BAZ1A: variants seen among roughly 807,000 people sequenced by gnomAD.
BAZ1A encodes the protein bromodomain adjacent to zinc finger domain 1A.
BAZ1A carries 50 observed loss-of-function variants against 185.2 expected under a neutral mutation model. The ratio of observed to expected loss-of-function variants is 0.27; its 90% CI spans 0.22 to 0.34. The LOEUF (loss-of-function observed/expected upper bound fraction) is 0.34, where lower values mean the gene tolerates loss of function less well. BAZ1A is among the 10% of genes least tolerant of loss of function. The pLI is 1.00. For missense variants in BAZ1A, 1,356 were observed against 1,839.9 expected (o/e 0.74, Z 4.81); for synonymous variants, 571 against 615.6 (o/e 0.93, Z 1.07).
At chr14:34,821,643 T>C (rs1352202066) in intron 4 of BAZ1A, among the ~76,000 whole-genome samples, 1 of 152,212 alleles carries the variant, frequency 6.6e-6, no homozygotes, top group African/African-American at 2.4e-5. Flanking sequence ...TTTATGATAT[T>C]GATGTATAGT....
intron 3 of BAZ1A, among the ~76,000 whole-genome samples, chr14:34,856,819 C>A (rs1378361859): frequency 7.2e-6 from 1 of 138,542 alleles, no homozygotes; most frequent in Non-Finnish European, 1.5e-5. Flanking sequence ...GATTGCGTCA[C>A]TGCACTCTAG....
intron 4 of BAZ1A, among the ~76,000 whole-genome samples, chr14:34,820,124 T>G (rs1036640098): frequency 1.1e-4 from 3 of 26,128 alleles, no homozygotes; most frequent in East Asian, 3.7e-4. Flanking sequence ...GGTTCCTCGT[T>G]TTTTTTTTTT....
At chr14:34,803,080 C>G in intron 6 of BAZ1A, 92 bp from the exon 7 acceptor site, 1 of 1,326,946 alleles carries the variant, frequency 7.5e-7, no homozygotes, top group Non-Finnish European at 1.1e-6. Context: ...ACTATTAATG[C>G]TGTTAAAAGA....
intron 25 of BAZ1A, among the ~76,000 whole-genome samples, chr14:34,757,238 G>A (rs959365599): frequency 1.3e-5 from 2 of 149,354 alleles, no homozygotes; most frequent in East Asian, 2.0e-4. Context: ...GGTGGCAGGT[G>A]CCTGTAATTC....
chr14:34,855,296 TC>T (rs1329463200), intron 3 of BAZ1A, among the ~76,000 whole-genome samples: 9 of 152,260 alleles, frequency 5.9e-5, no homozygotes, highest in Admixed American at 3.3e-4. Flanking sequence ...AGCAAACTGT[TC>T]AAACCGTGTT....
chr14:34,819,022 T>C (rs1218857806), intron 4 of BAZ1A, among the ~76,000 whole-genome samples: 4 of 150,736 alleles, frequency 2.7e-5, no homozygotes. Context: ...GCGCCTGTAG[T>C]CCCAGCCACT....
intron 4 of BAZ1A, among the ~76,000 whole-genome samples, chr14:34,820,340 C>T (rs574019736): frequency 6.6e-6 from 1 of 152,116 alleles, no homozygotes; most frequent in South Asian, 2.1e-4. Context: ...CTATGTTGCC[C>T]AGGCTGGTCT....
At chr14:34,850,485 G>T (rs1345054982) in intron 3 of BAZ1A, among the ~76,000 whole-genome samples, 1 of 152,222 alleles carries the variant, frequency 6.6e-6, no homozygotes, top group Non-Finnish European at 1.5e-5. Context: ...ATAGGCTCTT[G>T]AATAGTTTTT....
At chr14:34,873,171 C>G (rs890783097) in intron 2 of BAZ1A, among the ~76,000 whole-genome samples, 5 of 152,060 alleles carry the variant, frequency 3.3e-5, no homozygotes, top group Non-Finnish European at 7.4e-5. Context: ...CTTTTCTAAC[C>G]TCACTATTCA....
intron 14 of BAZ1A, among the ~76,000 whole-genome samples, chr14:34,784,142 G>A (rs1880244964): frequency 6.6e-6 from 1 of 151,890 alleles, no homozygotes; most frequent in Admixed American, 6.6e-5. Flanking sequence ...GCCGAGGCGG[G>A]CAGATCACCT....
chr14:34,872,415 G>A (rs1295942397), intron 2 of BAZ1A, among the ~76,000 whole-genome samples: 2 of 151,940 alleles, frequency 1.3e-5, no homozygotes, highest in East Asian at 1.9e-4. Flanking sequence ...TGGGCAACAC[G>A]ACGAAACCCC....
intron 4 of BAZ1A, among the ~76,000 whole-genome samples, chr14:34,818,473 ATTT>A (rs2042037906): frequency 3.3e-5 from 5 of 152,198 alleles, no homozygotes; most frequent in Admixed American, 3.3e-4. Context: ...TTAAATATAC[ATTT>A]TTTAAATTAC....
chr14:34,789,837 C>T (rs1472378513), intron 12 of BAZ1A, among the ~76,000 whole-genome samples: 1 of 152,168 alleles, frequency 6.6e-6, no homozygotes, highest in Non-Finnish European at 1.5e-5. Context: ...ATTTCAACTT[C>T]TTTACCGTAT....
chr14:34,868,726 G>C (rs1365120817), intron 2 of BAZ1A, among the ~76,000 whole-genome samples: 1 of 151,890 alleles, frequency 6.6e-6, no homozygotes, highest in Non-Finnish European at 1.5e-5. Flanking sequence ...GCTTGAACCA[G>C]GGTGGCAGAG....
chr14:34,840,858 C>T (rs985586613), intron 3 of BAZ1A, among the ~76,000 whole-genome samples: 1 of 152,128 alleles, frequency 6.6e-6, no homozygotes, highest in African/African-American at 2.4e-5. Context: ...CTAGCTAGAC[C>T]ACCTACTTGT....
Position 34,776,011 on chromosome 14 carries a change from C to T in BAZ1A, c.2741G>A (p.Arg914Lys). The change falls in exon 18 of 27, where the codon AGA (arginine) becomes AAA (lysine). Residue 914 changes from arginine (R) to lysine (K), a missense_variant. This residue lies in a region of BAZ1A where 434 missense variants were observed against 561.7 expected (regional missense o/e 0.77). Transcript: ENST00000360310. ...CAAAGTTTCTTTTAAGGCACTTTCT[C>T]TATGTCCTCTAGAATTAAGAGCTTC... Reference protein sequence around the residue: ...LIEALNSRGHRESALKETLLQ... With the variant: ...LIEALNSRGHKESALKETLLQ... 6.2e-7 allele frequency: 1 copy of T among 1,614,154 alleles called. No individual in the cohort carries two copies. The highest frequency in any genetic ancestry group is 8.5e-7 in the Non-Finnish European group (1 of 1,179,988).
chr14:34,842,369 A>G (rs920396728), intron 3 of BAZ1A, among the ~76,000 whole-genome samples: 3 of 152,204 alleles, frequency 2.0e-5, no homozygotes, highest in African/African-American at 7.2e-5. Context: ...AAAATACTAG[A>G]AAAGAAAAAG....
intron 9 of BAZ1A, among the ~76,000 whole-genome samples, chr14:34,799,384 T>TA (rs1304948349): frequency 6.6e-6 from 1 of 151,818 alleles, no homozygotes; most frequent in Non-Finnish European, 1.5e-5. Flanking sequence ...AAAGTATAAT[T>TA]AAAAAACAAA....
chr14:34,846,420 G>A (rs1025410358), intron 3 of BAZ1A, among the ~76,000 whole-genome samples: 8 of 152,192 alleles, frequency 5.3e-5, no homozygotes, highest in African/African-American at 1.9e-4. Flanking sequence ...TTAGACAGAT[G>A]CTCCTGATAG....
Sources: allele counts gnomAD v4.1 joint callset (sites outside exome capture counted in the v4.1 genomes callset), GRCh38; gene constraint gnomAD v4.1.1; regional missense constraint gnomAD v4.1.1; transcripts MANE v1.5; gene names NCBI Gene and HGNC (gene_info 2026-07-23, HGNC 2026-07-21).